Variants in COL5A1 observed in about 807,000 individuals in gnomAD.
COL5A1 encodes collagen alpha-1(V) chain.
In COL5A1, 16 loss-of-function variants were observed where a neutral mutation model predicts 263.7. The observed-to-expected ratio is 0.06, with a 90% CI of 0.04 to 0.09. The LOEUF (loss-of-function observed/expected upper bound fraction) is 0.09, where lower values mean the gene tolerates loss of function less well. Ranked by LOEUF, COL5A1 falls within the 10% of genes least tolerant of loss-of-function variation. The probability of loss-of-function intolerance (pLI) is 1.00; values close to 1 mark genes in which losing one functional copy is unlikely to be tolerated. For missense variants in COL5A1, 2,036 were observed against 2,540.5 expected (o/e 0.80, Z 4.27); for synonymous variants, 1,012 against 1,004.5 (o/e 1.01, Z -0.14).
chr9:134,642,610 C>T lies in COL5A1; in HGVS notation c.109+314C>T, dbSNP rs992910463. ...GCGGGCAAACTTTTGTCCCAAAAACCTTCCTTCTCTGTCCCACATCACAGG... is the reference window on the plus strand; with the variant it reads ...GCGGGCAAACTTTTGTCCCAAAAACTTTCCTTCTCTGTCCCACATCACAGG... On this transcript the variant is annotated intron_variant, in intron 1 of 65. Coordinates refer to ENST00000371817, the MANE Select transcript of COL5A1 (RefSeq NM_000093.5). The surrounding 1 kb of genome is among the most constrained non-coding windows in gnomAD (Gnocchi z 4.5). Among the ~76,000 whole-genome samples the T allele has an allele frequency of 3.3e-5, 5 of 152,202 alleles. No individual in the cohort carries two copies. Among genetic ancestry groups the T allele is most frequent in the Admixed American group, 6.5e-5 (1 of 15,294 alleles).
intron 32 of COL5A1, among the ~76,000 whole-genome samples, chr9:134,792,894 C>T (rs1246018426): frequency 2.3e-4 from 7 of 29,938 alleles, no homozygotes; most frequent in African/African-American, 2.5e-4. Flanking sequence ...TGTGTGTGCG[C>T]GCGTGTGTGC....
At position 134,828,559 on chromosome 9, in the gene COL5A1, A is replaced by AC. The variant is rs1365950516; in HGVS notation, c.5068-1416dup. ...CACACACCACAGAGATACGCACCACACACACAATACACACCACATATACCA... is the reference window on the plus strand; with the variant it reads ...CACACACCACAGAGATACGCACCACACCACACAATACACACCACATATACCA... On this transcript the variant is annotated intron_variant, in intron 63 of 65. Transcript: ENST00000371817. Among the ~76,000 whole-genome samples, 496 of 150,034 alleles carry AC rather than the reference A, an allele frequency of 3.3e-3. 4 individuals are homozygous for AC. The highest frequency in any genetic ancestry group is 0.012 in the African/African-American group (477 of 39,912).
intron 19 of COL5A1, 152 bp from the exon 20 acceptor site, chr9:134,763,541 C>T (rs1836546653): frequency 5.0e-6 from 4 of 799,510 alleles, no homozygotes; most frequent in Admixed American, 1.8e-5. Flanking sequence ...GGAGCGAGGA[C>T]ATTCCAGGCC....
At chr9:134,776,848 G>C (rs1318950398) in intron 27 of COL5A1, among the ~76,000 whole-genome samples, 1 of 152,236 alleles carries the variant, frequency 6.6e-6, no homozygotes, top group Non-Finnish European at 1.5e-5. Context: ...GAAGGCTGCT[G>C]TCTAGTTCCT....
intron 7 of COL5A1, 122 bp from the exon 8 acceptor site, chr9:134,731,374 C>G: frequency 2.0e-6 from 2 of 1,009,764 alleles, no homozygotes; most frequent in South Asian, 2.7e-5. Context: ...AGCACAGGGC[C>G]TGATGGATCT....
chr9:134,723,315 C>T (rs77402785), intron 4 of COL5A1, among the ~76,000 whole-genome samples: 3 of 121,078 alleles, frequency 2.5e-5, no homozygotes. Context: ...TGGGGTGATG[C>T]GGGGGGTTCA....
At chr9:134,646,446 T>C (rs1831477837) in intron 1 of COL5A1, among the ~76,000 whole-genome samples, 1 of 152,116 alleles carries the variant, frequency 6.6e-6, no homozygotes, top group South Asian at 2.1e-4. Flanking sequence ...TTAATCTTGC[T>C]CTCTTCCCTC....
intron 1 of COL5A1, among the ~76,000 whole-genome samples, chr9:134,670,912 G>A (rs1434442626): frequency 4.6e-5 from 7 of 151,830 alleles, no homozygotes; most frequent in East Asian, 3.9e-4. Flanking sequence ...TGCACTAAAC[G>A]CATGTGCCTG....
At position 134,765,740 on chromosome 9, in the gene COL5A1, T is replaced by C. The variant is rs762231595; in HGVS notation, c.2088+6T>C. The C allele has an allele frequency of 6.2e-7, 1 of 1,612,342 alleles. No individual in the cohort carries two copies. On this transcript the variant is annotated splice_donor_region_variant and intron_variant, in intron 21 of 65. Transcript: ENST00000371817. This position sits in a 1 kb window ranked among gnomAD's most constrained non-coding sequence, Gnocchi z 5.1. ...CAGGTCCTCCCGGACCTCCCGTAAG[T>C]CCCATTACCGCCCTGCTTGTCTGCC... is the stretch of plus-strand genomic sequence containing the variant.
intron 11 of COL5A1, among the ~76,000 whole-genome samples, chr9:134,739,527 C>T (rs1322186426): frequency 1.3e-5 from 2 of 152,146 alleles, no homozygotes; most frequent in African/African-American, 4.8e-5. Flanking sequence ...AGAGTGAGGA[C>T]CCTGTGGGTG....
At chr9:134,791,293 AG>A (rs139205925) in intron 32 of COL5A1, among the ~76,000 whole-genome samples, 25,139 of 152,204 alleles carry the variant, frequency 0.17, 2,200 homozygotes, top group Non-Finnish European at 0.19. Flanking sequence ...CAAAAGGGCG[AG>A]GCCGTGTGCT....
At chr9:134,781,083 G>A (rs1014251253) in intron 28 of COL5A1, among the ~76,000 whole-genome samples, 1 of 152,244 alleles carries the variant, frequency 6.6e-6, no homozygotes, top group African/African-American at 2.4e-5. Flanking sequence ...GCTACCTGTC[G>A]AAGATGTCGC....
chr9:134,758,223 C>A lies in COL5A1; in HGVS notation c.1882-20C>A. 1 of 1,613,892 alleles carries A rather than the reference C, an allele frequency of 6.2e-7. No individual in the cohort carries two copies. The highest frequency in any genetic ancestry group is 8.5e-7 in the Non-Finnish European group (1 of 1,179,962). ...GTGTGCAGGGTGGCGTCTGAGGCAG[C>A]CTTTCTGTCCTTTTTGCAGGGTGAC... On this transcript the variant is annotated intron_variant, in intron 17 of 65. Transcript: ENST00000371817. The surrounding 1 kb of genome is among the most constrained non-coding windows in gnomAD (Gnocchi z 4.1).
Position 134,765,558 on chromosome 9 carries a change from C to CA in COL5A1, c.2035-122dup, listed in dbSNP as rs1474444385. 5 of 841,898 alleles carry CA rather than the reference C, an allele frequency of 5.9e-6. No homozygotes were observed. The Admixed American group carries it at 9.2e-5, about 15-fold the overall frequency. 52.2% of individuals were successfully genotyped at this position (841,898 alleles called of 1,614,324 possible). A position where few individuals can be genotyped will look rare whatever the true frequency, so the allele number is the denominator to read the frequency against. On this transcript the variant is annotated intron_variant, in intron 20 of 65. Coordinates refer to ENST00000371817, the MANE Select transcript of COL5A1 (RefSeq NM_000093.5). The surrounding 1 kb of genome is among the most constrained non-coding windows in gnomAD (Gnocchi z 5.1). ...AGTCTGGGCCTCACTCCTGGGAGGC[C>CA]AGGAGGCCTGAGTCACCAGCTGGGG...
At chr9:134,748,541 G>A (rs922774074) in intron 11 of COL5A1, among the ~76,000 whole-genome samples, 2 of 152,250 alleles carry the variant, frequency 1.3e-5, no homozygotes, top group African/African-American at 4.8e-5. Flanking sequence ...AGCTGTAAGT[G>A]GCTATGAGGA....
rs1588514793 is a variant in COL5A1, at chr9:134,760,123, C to G, written c.1936-1802C>G. 3.0e-5 allele frequency among the ~76,000 whole-genome samples: 4 copies of G among 133,080 alleles called. No individual in the cohort carries two copies. In the South Asian group the frequency reaches 1.0e-3, roughly 35 times the overall value. 87.3% of individuals were successfully genotyped at this position (133,080 alleles called of 152,430 possible). ...ACCCCCACACTCATACACGCCCACA[C>G]ACCCCCACACTCACATGTGCAGACA... On this transcript the variant is annotated intron_variant, in intron 18 of 65. Coordinates refer to ENST00000371817, the MANE Select transcript of COL5A1 (RefSeq NM_000093.5).
chr9:134,661,858 C>T (rs984641958), intron 1 of COL5A1, among the ~76,000 whole-genome samples: 7 of 152,200 alleles, frequency 4.6e-5, no homozygotes, highest in African/African-American at 7.2e-5. Context: ...CCGCTTCTTC[C>T]CTTTCCAGCC....
chr9:134,830,678 C>G (rs1283764376), intron 64 of COL5A1, among the ~76,000 whole-genome samples: 1 of 152,262 alleles, frequency 6.6e-6, no homozygotes, highest in Non-Finnish European at 1.5e-5. Flanking sequence ...CCCAGTTACA[C>G]TGCACACCAC....
At position 134,730,412 on chromosome 9, in the gene COL5A1, C is replaced by T; in HGVS notation, c.1101C>T (p.Pro367=). 1 of 1,614,208 alleles carries T rather than the reference C, an allele frequency of 6.2e-7. No homozygotes were observed. The highest frequency in any genetic ancestry group is 8.5e-7 in the Non-Finnish European group (1 of 1,180,032). The change falls in exon 7 of 66, where the codon CCC becomes CCT. Residue 367 remains proline, a synonymous_variant. Coordinates refer to ENST00000371817, the MANE Select transcript of COL5A1 (RefSeq NM_000093.5). ...AGGGGGAGGAGAACCCCGACCAGCC[C>T]ACAGACCCAGGCGCTGGGGCCGAAA... is the stretch of plus-strand genomic sequence containing the variant. ...YGEGEENPDQ[P]TDPGAGAEIP... is the part of the protein sequence containing the mutation.
Sources: gnomAD v4.1 joint callset for allele counts (sites outside exome capture counted in the v4.1 genomes callset) on GRCh38, gnomAD v4.1.1 for gene constraint, Gnocchi (gnomAD v3.1) non-coding constraint, MANE v1.5 for transcripts, NCBI Gene and HGNC (gene_info 2026-07-23, HGNC 2026-07-21) for gene names.